Variants in FOXP1 observed in about 807,000 individuals in gnomAD.
The protein encoded by FOXP1 is forkhead box P1, also known as forkhead box protein P1.
Under a neutral mutation model 98.2 loss-of-function variants are expected in FOXP1, and 15 were observed. The observed-to-expected ratio is 0.15, with a 90% CI of 0.10 to 0.24. The LOEUF (loss-of-function observed/expected upper bound fraction) is 0.24, where lower values mean the gene tolerates loss of function less well. FOXP1 is among the 10% of genes least tolerant of loss of function. The pLI, the probability that FOXP1 is intolerant of heterozygous loss-of-function variation, is 1.00. For synonymous variants in FOXP1, 371 were observed against 314.5 expected, an observed-to-expected ratio of 1.18 and a Z score of -1.90; for missense variants, 633 against 848.5, an observed-to-expected ratio of 0.75 and a Z score of 3.15.
At chr3:71,418,119 GTGTGT>G in intron 3 of FOXP1, among the ~76,000 whole-genome samples, 1 of 55,468 alleles carries the variant, frequency 1.8e-5, no homozygotes, top group African/African-American at 6.8e-5. Context: ...GCTTGTGGGT[GTGTGT>G]GTGTGTGTGT....
At chr3:71,396,226 A>T (rs1316782614) in intron 3 of FOXP1, among the ~76,000 whole-genome samples, 1 of 152,072 alleles carries the variant, frequency 6.6e-6, no homozygotes, top group East Asian at 1.9e-4. Flanking sequence ...AAGAATCCTG[A>T]AACTTTTGGA....
intron 12 of FOXP1, among the ~76,000 whole-genome samples, chr3:71,009,903 G>C (rs1000617827): frequency 1.3e-5 from 2 of 150,090 alleles, no homozygotes; most frequent in Non-Finnish European, 3.0e-5. Context: ...CACATGCCAC[G>C]ACACCCAGCT....
intron 4 of FOXP1, chr3:71,335,018 G>C (rs2076582619): frequency 6.6e-6 from 1 of 152,148 alleles, no homozygotes; most frequent in Non-Finnish European, 1.5e-5. Flanking sequence ...CTAGCACTTT[G>C]GGCAGCCAAG....
chr3:71,169,050 T>C (rs1215976566), intron 6 of FOXP1, among the ~76,000 whole-genome samples: 4 of 152,234 alleles, frequency 2.6e-5, no homozygotes, highest in East Asian at 1.9e-4. Flanking sequence ...GTCACATTTA[T>C]GTAACTTGAT....
intron 7 of FOXP1, among the ~76,000 whole-genome samples, chr3:71,079,347 T>C (rs2054165363): frequency 6.6e-6 from 1 of 152,218 alleles, no homozygotes; most frequent in South Asian, 2.1e-4. Context: ...AGCTCTTCAC[T>C]CTACACTAGT....
At chr3:71,143,267 T>C (rs148013390) in intron 6 of FOXP1, among the ~76,000 whole-genome samples, 4 of 152,324 alleles carry the variant, frequency 2.6e-5, no homozygotes, top group Non-Finnish European at 4.4e-5. Flanking sequence ...AAATACGGAA[T>C]TGTCCTTGGC....
intron 7 of FOXP1, among the ~76,000 whole-genome samples, chr3:71,077,543 C>G (rs927662930): frequency 6.6e-6 from 1 of 152,126 alleles, no homozygotes; most frequent in African/African-American, 2.4e-5. Flanking sequence ...GAAGAGGTCA[C>G]CAACCTAGCC....
chr3:71,276,908 A>G (rs568687718), intron 5 of FOXP1, among the ~76,000 whole-genome samples: 69 of 149,544 alleles, frequency 4.6e-4, no homozygotes, highest in African/African-American at 1.7e-3. Flanking sequence ...TTCCCCCTAC[A>G]CTTCCCAGGC....
chr3:71,292,731 A>C (rs1337319949), intron 5 of FOXP1: 1 of 152,250 alleles, frequency 6.6e-6, no homozygotes, highest in Non-Finnish European at 1.5e-5. Flanking sequence ...AATATACAAA[A>C]TTCAGGAAAG....
intron 3 of FOXP1, among the ~76,000 whole-genome samples, chr3:71,475,630 G>C (rs570430402): frequency 3.3e-5 from 5 of 152,126 alleles, no homozygotes; most frequent in Non-Finnish European, 5.9e-5. Context: ...ATCACTTGAG[G>C]TCAGGAGTTC....
At chr3:71,485,326 T>C (rs185542175) in intron 3 of FOXP1, among the ~76,000 whole-genome samples, 37 of 152,312 alleles carry the variant, frequency 2.4e-4, no homozygotes, top group African/African-American at 8.7e-4. Flanking sequence ...CTTATATCCA[T>C]CACCTAGATT....
rs570665871 is a variant in FOXP1, at chr3:71,098,410, C to T, written c.282+14126G>A. Among the ~76,000 whole-genome samples the T allele has an allele frequency of 3.3e-5, 5 of 152,254 alleles. No individual in the cohort carries two copies. In the East Asian group the frequency reaches 7.7e-4, roughly 24 times the overall value. Reference sequence around the variant, plus strand: ...GCACAGGGCATTAGGGTAGTCTAACCGCACTACAGGAATGTTCTGATTTTC... The same window carrying T: ...GCACAGGGCATTAGGGTAGTCTAACTGCACTACAGGAATGTTCTGATTTTC... On this transcript the variant is annotated intron_variant, in intron 7 of 20. Coordinates refer to ENST00000649528, the MANE Select transcript of FOXP1 (RefSeq NM_001349338.3).
At chr3:70,982,254 C>T (rs1174453532) in intron 14 of FOXP1, among the ~76,000 whole-genome samples, 1 of 152,202 alleles carries the variant, frequency 6.6e-6, no homozygotes, top group Non-Finnish European at 1.5e-5. Flanking sequence ...AAATATTCAT[C>T]TTAATTGTAA....
At chr3:71,475,916 A>C (rs2089792215) in intron 3 of FOXP1, among the ~76,000 whole-genome samples, 1 of 152,102 alleles carries the variant, frequency 6.6e-6, no homozygotes, top group African/African-American at 2.4e-5. Flanking sequence ...AAAAAAAAAA[A>C]AAACCTCTTC....
In FOXP1 at chr3:71,303,785, G is replaced by T. The variant is rs1313981243; in HGVS notation, c.-72-3905C>A. Among the ~76,000 whole-genome samples, 4 of 149,346 alleles carry T rather than the reference G, an allele frequency of 2.7e-5. No homozygotes were observed. In the East Asian group the frequency reaches 5.8e-4, roughly 22 times the overall value. On this transcript the variant is annotated intron_variant, in intron 4 of 20. Transcript: ENST00000649528. ...GGTGGGGAATGAAGAAAGAAAAGAA[G>T]AAAATAAAAACGGAAAAAGGGGAGA... is the stretch of plus-strand genomic sequence containing the variant.
chr3:71,037,716 A>C (rs2047786063), intron 11 of FOXP1, among the ~76,000 whole-genome samples: 1 of 152,212 alleles, frequency 6.6e-6, no homozygotes, highest in Non-Finnish European at 1.5e-5. Context: ...TCAAAGCACG[A>C]AGCATGGTGC....
chr3:71,268,355 A>G (rs2069948678), intron 5 of FOXP1, among the ~76,000 whole-genome samples: 2 of 152,204 alleles, frequency 1.3e-5, no homozygotes, highest in East Asian at 3.9e-4. Context: ...AAGTATTCCA[A>G]AATGCTTGAG....
intron 11 of FOXP1, among the ~76,000 whole-genome samples, chr3:71,039,838 T>C (rs1373249967): frequency 6.6e-6 from 1 of 152,016 alleles, no homozygotes; most frequent in Middle Eastern, 3.2e-3. Flanking sequence ...TATCTATCCT[T>C]GCCAGAAACA....
intron 14 of FOXP1, among the ~76,000 whole-genome samples, chr3:70,983,652 G>T (rs2039257404): frequency 6.6e-6 from 1 of 152,128 alleles, no homozygotes; most frequent in African/African-American, 2.4e-5. Context: ...AAATCTAAAA[G>T]AATGTGGTTT....
Sources: allele counts gnomAD v4.1 joint callset (sites outside exome capture counted in the v4.1 genomes callset), GRCh38; gene constraint gnomAD v4.1.1; transcripts MANE v1.5; gene names NCBI Gene and HGNC (gene_info 2026-07-23, HGNC 2026-07-21).